RMC1: variants seen among roughly 807,000 people sequenced by gnomAD.
RMC1 encodes the protein regulator of MON1-CCZ1 complex.
In RMC1, 44 loss-of-function variants were observed where a neutral mutation model predicts 95.5. The observed-to-expected ratio is 0.46, with a 90% CI of 0.36 to 0.59. The LOEUF (loss-of-function observed/expected upper bound fraction) is 0.59, where lower values mean the gene tolerates loss of function less well. Among genes scored for constraint, RMC1 ranks in the 20% least tolerant of loss-of-function variants. The probability of loss-of-function intolerance (pLI) is 0.00; values close to 1 mark genes in which losing one functional copy is unlikely to be tolerated. For synonymous variants in RMC1, 320 were observed against 303.6 expected, an observed-to-expected ratio of 1.05 and a Z score of -0.56; for missense variants, 705 against 819.6, an observed-to-expected ratio of 0.86 and a Z score of 1.71.
intron 5 of RMC1, among the ~76,000 whole-genome samples, chr18:23,512,057 G>A (rs576553786): frequency 3.6e-5 from 5 of 139,744 alleles, no homozygotes; most frequent in East Asian, 2.1e-4. Context: ...GTCTCACTCC[G>A]TCGCCCAGGC....
intron 13 of RMC1, 128 bp from the exon 14 acceptor site, chr18:23,527,667 G>GTATTTCTT (rs1436780982): frequency 1.8e-5 from 6 of 337,990 alleles, no homozygotes; most frequent in East Asian, 1.0e-4. Flanking sequence ...CTTTAAAGTA[G>GTATTTCTT]AGTGTCCTTT....
At chr18:23,517,075 G>A (rs1465263390) in intron 7 of RMC1, among the ~76,000 whole-genome samples, 1 of 151,708 alleles carries the variant, frequency 6.6e-6, no homozygotes, top group Admixed American at 6.6e-5. Flanking sequence ...TTCTAAATAA[G>A]AAAATAGATT....
intron 13 of RMC1, 91 bp from the exon 14 acceptor site, chr18:23,527,704 T>C (rs2058347315): frequency 3.0e-6 from 3 of 991,830 alleles, no homozygotes; most frequent in Non-Finnish European, 4.7e-6. Flanking sequence ...TGGTAACCTT[T>C]TGAGATTAGT....
chr18:23,516,229 CTG>C, intron 6 of RMC1, 89 bp from the exon 7 acceptor site: 1 of 1,460,416 alleles, frequency 6.8e-7, no homozygotes, highest in South Asian at 1.1e-5. Flanking sequence ...AAGACGAAGT[CTG>C]TGTTTATCCT....
chr18:23,520,246 C>T lies in RMC1; in HGVS notation c.894C>T (p.Gly298=). Residue 298 remains glycine (G), a synonymous_variant, in exon 10 of 20, where the codon GGC becomes GGT. Transcript: ENST00000269221. ...FDIKLRGEFD[G]SVTFHHPVLP... ...TCAAGTTACGGGGAGAGTTTGACGGCTCCGTTACCTTCCACCACCCCGTGC... is the reference window on the plus strand; with the variant it reads ...TCAAGTTACGGGGAGAGTTTGACGGTTCCGTTACCTTCCACCACCCCGTGC... 6.2e-7 allele frequency: 1 copy of T among 1,614,140 alleles called. No individual in the cohort carries two copies. The highest frequency in any genetic ancestry group is 8.5e-7 in the Non-Finnish European group (1 of 1,180,018).
intron 2 of RMC1, among the ~76,000 whole-genome samples, chr18:23,505,964 C>T (rs1460799363): frequency 2.6e-5 from 4 of 151,872 alleles, no homozygotes; most frequent in Non-Finnish European, 4.4e-5. Context: ...ATCAGGAGTT[C>T]GAGACCAGCC....
intron 14 of RMC1, 24 bp from the exon 15 acceptor site, chr18:23,529,153 CAT>C (rs781399309): frequency 3.1e-6 from 5 of 1,603,574 alleles, no homozygotes; most frequent in East Asian, 2.2e-5. Flanking sequence ...TGCCGAAGAT[CAT>C]AGTTTGTGGT....
intron 3 of RMC1, 98 bp downstream of exon 3, chr18:23,507,152 A>C: frequency 1.2e-6 from 1 of 816,734 alleles, no homozygotes; most frequent in Non-Finnish European, 2.0e-6. Flanking sequence ...AACTTTTATT[A>C]TCTTACTGTT....
At chr18:23,527,433 T>C (rs1457675788) in intron 13 of RMC1, among the ~76,000 whole-genome samples, 13 of 151,552 alleles carry the variant, frequency 8.6e-5, no homozygotes, top group African/African-American at 3.2e-4. Context: ...CCTACCAATA[T>C]GTGCTGTTGG....
intron 15 of RMC1, 137 bp from the exon 16 acceptor site, chr18:23,529,498 C>T (rs140603233): frequency 4.0e-5 from 49 of 1,238,030 alleles, no homozygotes; most frequent in African/African-American, 2.4e-4. Flanking sequence ...GGTTCTGGAG[C>T]GATGTGTGCA....
intron 14 of RMC1, chr18:23,528,655 C>G (rs2058381307): frequency 6.5e-6 from 1 of 153,122 alleles, no homozygotes; most frequent in Non-Finnish European, 1.5e-5. Flanking sequence ...TGGCTGAGTC[C>G]TTTTGGACTC....
chr18:23,519,265 CCCAG>C, intron 9 of RMC1, 91 bp downstream of exon 9: 1 of 1,178,162 alleles, frequency 8.5e-7, no homozygotes, highest in Non-Finnish European at 1.2e-6. Flanking sequence ...CGCCTGTAAT[CCCAG>C]CACTTTGGGA....
intron 5 of RMC1, among the ~76,000 whole-genome samples, chr18:23,511,118 C>T (rs538302058): frequency 6.6e-6 from 1 of 152,312 alleles, no homozygotes; most frequent in South Asian, 2.1e-4. Context: ...AAATGTGGTA[C>T]ATATATACCA....
chr18:23,516,195 A>G, intron 6 of RMC1, 125 bp from the exon 7 acceptor site: 10 of 1,339,272 alleles, frequency 7.5e-6, no homozygotes, highest in Non-Finnish European at 9.5e-6. Context: ...GTGAGAGGAC[A>G]TGGGGGACGG....
intron 16 of RMC1, 138 bp downstream of exon 16, chr18:23,529,850 A>G: frequency 9.5e-7 from 1 of 1,048,400 alleles, no homozygotes; most frequent in Non-Finnish European, 1.4e-6. Flanking sequence ...TCCTGACATT[A>G]TTAGTTGGAA....
At chr18:23,525,448 C>T (rs1341606069) in intron 12 of RMC1, among the ~76,000 whole-genome samples, 2 of 151,824 alleles carry the variant, frequency 1.3e-5, no homozygotes, top group African/African-American at 4.8e-5. Flanking sequence ...TATTTTGAGA[C>T]GGAATCTCGC....
In RMC1 at chr18:23,527,927, G is replaced by C. The variant is rs370745743; in HGVS notation, c.1296+26G>C. The C allele has an allele frequency of 4.5e-6, 7 of 1,541,334 alleles. No homozygotes were observed. In the African/African-American group the frequency reaches 9.6e-5, roughly 21 times the overall value. On this transcript the variant is annotated intron_variant, in intron 14 of 19. Coordinates refer to ENST00000269221, the MANE Select transcript of RMC1 (RefSeq NM_013326.5). ...GTGAGTTACATGGAGTATGACAAAG[G>C]GTCCTCCTCCCCCACCCCCTCCCGG...
chr18:23,511,080 T>C (rs2145155710), intron 5 of RMC1, among the ~76,000 whole-genome samples: 1 of 152,322 alleles, frequency 6.6e-6, no homozygotes, highest in South Asian at 2.1e-4. Flanking sequence ...TCATCCTAAA[T>C]GCCCATCAGT....
At chr18:23,505,113 A>T (rs964825381) in intron 2 of RMC1, among the ~76,000 whole-genome samples, 1 of 152,166 alleles carries the variant, frequency 6.6e-6, no homozygotes, top group Non-Finnish European at 1.5e-5. Context: ...GGTGGAGTGC[A>T]GTGGTGCGAT....
Sources: allele counts gnomAD v4.1 joint callset (sites outside exome capture counted in the v4.1 genomes callset), GRCh38; gene constraint gnomAD v4.1.1; transcripts MANE v1.5; gene names NCBI Gene and HGNC (gene_info 2026-07-23, HGNC 2026-07-21).